The following ZNF124 variants were observed in gnomAD, a reference collection of about 807,000 sequenced individuals.
The protein encoded by ZNF124 is zinc finger protein 124.
Under a neutral mutation model 26.6 loss-of-function variants are expected in ZNF124, and 25 were observed. The ratio of observed to expected loss-of-function variants is 0.94; its 90% CI spans 0.68 to 1.31. The LOEUF (loss-of-function observed/expected upper bound fraction) is 1.31. Among genes scored for constraint, ZNF124 ranks in the 40% most tolerant of loss-of-function variants. The pLI is 0.00. For missense variants in ZNF124, 444 were observed against 422.2 expected (o/e 1.05, Z -0.45); for synonymous variants, 129 against 133.3 (o/e 0.97, Z 0.22).
chr1:247,164,348 A>G (rs986632072), intron 1 of ZNF124, among the ~76,000 whole-genome samples: 1 of 152,124 alleles, frequency 6.6e-6, no homozygotes, highest in East Asian at 1.9e-4. Context: ...ATGATCCTAT[A>G]CCCCCCAAAA....
intron 3 of ZNF124, among the ~76,000 whole-genome samples, chr1:247,124,223 A>G (rs1412903968): frequency 6.9e-6 from 1 of 145,154 alleles, no homozygotes; most frequent in Non-Finnish European, 1.5e-5. Context: ...TTTTTTTTTG[A>G]GACAGAGTCT....
chr1:247,158,423 C>G (rs1193970968), intron 3 of ZNF124, among the ~76,000 whole-genome samples: 2 of 152,106 alleles, frequency 1.3e-5, no homozygotes, highest in Non-Finnish European at 2.9e-5. Context: ...TCTGATAAAG[C>G]CTGCAGAACC....
chr1:247,138,253 T>C (rs570930784), intron 3 of ZNF124: 22 of 152,282 alleles, frequency 1.4e-4, no homozygotes, highest in African/African-American at 4.6e-4. Flanking sequence ...GGTGTATATA[T>C]ATATGTGTAT....
rs991062413 is a variant in ZNF124, at chr1:247,138,416, T to A, written c.219-14545A>T. 4.8e-5 allele frequency: 10 copies of A among 208,532 alleles called. No individual in the cohort carries two copies. In the East Asian group the frequency reaches 9.0e-4, roughly 19 times the overall value. The allele number at this position is 208,532 out of a possible 1,614,324, so 12.9% of individuals were successfully genotyped here. ...CTCACTCATAAGTGAGAGCTGAACA[T>A]TGAGAACACATGGAAACAGAGGGGG... is the stretch of plus-strand genomic sequence containing the variant. On this transcript the variant is annotated intron_variant, in intron 3 of 3. Transcript: ENST00000472531.
At chr1:247,149,718 C>T (rs976744779) in intron 3 of ZNF124, 3 of 152,242 alleles carry the variant, frequency 2.0e-5, no homozygotes, top group African/African-American at 7.2e-5. Flanking sequence ...AAGGTACAAA[C>T]TTTCAGTTAT....
chr1:247,168,646 A>T lies in ZNF124; in HGVS notation c.30+3202T>A, dbSNP rs1334639608. Among the ~76,000 whole-genome samples the T allele has an allele frequency of 6.6e-6, 1 of 152,246 alleles. No individual in the cohort carries two copies. Among genetic ancestry groups the T allele is most frequent in the East Asian group, 1.9e-4 (1 of 5,194 alleles). On this transcript the variant is annotated intron_variant, in intron 1 of 3. Coordinates refer to ENST00000543802, the MANE Select transcript of ZNF124 (RefSeq NM_001297568.2). This position sits in a 1 kb window ranked among gnomAD's most constrained non-coding sequence, Gnocchi z 4.0. ...AATGCCCATCAACCAATGAGGGGAT[A>T]AAGAAAATGTGGTGGAATACTACTC...
intron 1 of ZNF124, among the ~76,000 whole-genome samples, chr1:247,162,347 G>C (rs1013938839): frequency 6.6e-6 from 1 of 152,130 alleles, no homozygotes; most frequent in African/African-American, 2.4e-5. Context: ...CCAATCGTAT[G>C]CTGTCTTCAA....
intron 3 of ZNF124, among the ~76,000 whole-genome samples, chr1:247,127,962 C>G (rs1231637403): frequency 6.6e-6 from 1 of 152,164 alleles, no homozygotes; most frequent in African/African-American, 2.4e-5. Context: ...TACTGGTTTC[C>G]CCTGCATTTT....
At chr1:247,172,028 G>A (rs1389900599), upstream of ZNF124, 1 of 61,046 alleles carries the variant, frequency 1.6e-5, no homozygotes, top group East Asian at 4.0e-4. Context: ...GGCACACCCG[G>A]AAGCCGCCTC....
At chr1:247,125,929 A>C (rs2103097366) in intron 3 of ZNF124, among the ~76,000 whole-genome samples, 1 of 152,242 alleles carries the variant, frequency 6.6e-6, no homozygotes, top group South Asian at 2.1e-4. Context: ...CACTGGGGAA[A>C]AAAAGTAAAT....
chr1:247,150,781 T>C (rs1672911473), downstream of ZNF124, among the ~76,000 whole-genome samples: 1 of 150,090 alleles, frequency 6.7e-6, no homozygotes, highest in African/African-American at 2.5e-5. Context: ...TATGAATGAA[T>C]TGCAAAATAA....
intron 3 of ZNF124, among the ~76,000 whole-genome samples, chr1:247,147,994 T>C (rs1278118240): frequency 6.6e-6 from 1 of 152,256 alleles, no homozygotes; most frequent in Non-Finnish European, 1.5e-5. Context: ...TCTCTGCTTA[T>C]AAGCAAGGCA....
At chr1:247,169,689 C>T (rs980363531) in intron 1 of ZNF124, among the ~76,000 whole-genome samples, 70 of 149,268 alleles carry the variant, frequency 4.7e-4, no homozygotes, top group African/African-American at 1.6e-3. Context: ...TTTGGAATAG[C>T]TGTTCTCCCT....
chr1:247,125,679 G>C (rs1464100453), intron 3 of ZNF124, among the ~76,000 whole-genome samples: 45,204 of 150,860 alleles, frequency 0.3, 7,054 homozygotes, highest in Middle Eastern at 0.38. Flanking sequence ...ATCGGCGCCG[G>C]CGCCGATTAA....
downstream of ZNF124, among the ~76,000 whole-genome samples, chr1:247,152,054 CT>C (rs34178643): frequency 0.11 from 15,824 of 142,778 alleles, 1,582 homozygotes; most frequent in African/African-American, 0.27. Context: ...CCACCCCCCG[CT>C]TTTTTTTTTT....
At chr1:247,158,688 G>A (rs2103122819) in intron 3 of ZNF124, among the ~76,000 whole-genome samples, 1 of 151,866 alleles carries the variant, frequency 6.6e-6, no homozygotes, top group African/African-American at 2.4e-5. Context: ...GGAGTGCAAT[G>A]GCACAACCTC....
intron 1 of ZNF124, among the ~76,000 whole-genome samples, chr1:247,165,061 G>A (rs1215631522): frequency 5.3e-5 from 8 of 151,916 alleles, no homozygotes; most frequent in African/African-American, 7.3e-5. Flanking sequence ...CCGCTGCCCC[G>A]GTTCATGCCA....
chr1:247,133,550 G>A (rs1156509600), intron 3 of ZNF124, among the ~76,000 whole-genome samples: 1 of 152,050 alleles, frequency 6.6e-6, no homozygotes, highest in African/African-American at 2.4e-5. Context: ...AGAATGGCCA[G>A]GTCACCTACA....
chr1:247,149,657 T>C (rs113879393), intron 3 of ZNF124, among the ~76,000 whole-genome samples: 2,228 of 152,302 alleles, frequency 0.015, 51 homozygotes, highest in African/African-American at 0.05. Flanking sequence ...ACAGACTACA[T>C]AGTGGTTTCC....
Sources: gnomAD v4.1 joint callset for allele counts (sites outside exome capture counted in the v4.1 genomes callset) on GRCh38, gnomAD v4.1.1 for gene constraint, Gnocchi (gnomAD v3.1) non-coding constraint, MANE v1.5 for transcripts, NCBI Gene and HGNC (gene_info 2026-07-23, HGNC 2026-07-21) for gene names.